Variants in FKTN observed in about 807,000 individuals in gnomAD.
The protein encoded by FKTN is ribitol-5-phosphate transferase FKTN.
A neutral mutation model predicts 58.6 loss-of-function variants in FKTN; 47 were observed. That is an observed-to-expected ratio of 0.80 (90% confidence interval 0.63 to 1.02). The LOEUF is 1.02. FKTN is among the 50% of genes least tolerant of loss of function. FKTN has a pLI of 0.00. For synonymous variants in FKTN, 178 were observed against 191.9 expected (o/e 0.93, Z 0.60); for missense variants, 516 against 537.3 (o/e 0.96, Z 0.39).
chr9:105,593,228 AAG>A (rs1445357404), intron 3 of FKTN, among the ~76,000 whole-genome samples: 2 of 152,264 alleles, frequency 1.3e-5, no homozygotes, highest in East Asian at 3.9e-4. Flanking sequence ...GAGCAGGAAG[AAG>A]AGAGAGAGGG....
At chr9:105,588,475 A>G (rs909109606) in intron 3 of FKTN, among the ~76,000 whole-genome samples, 1 of 152,266 alleles carries the variant, frequency 6.6e-6, no homozygotes, top group East Asian at 1.9e-4. Context: ...AGGCTATGAA[A>G]CAAATGATCA....
chr9:105,618,055 A>G lies in FKTN; in HGVS notation c.1007A>G (p.Gln336Arg). The G allele has an allele frequency of 6.2e-7, 1 of 1,611,596 alleles. No individual in the cohort carries two copies. Among genetic ancestry groups the G allele is most frequent in the Non-Finnish European group, 8.5e-7 (1 of 1,177,720 alleles). ...AAATCTGATATTATTTTAGCATTTC[A>G]GGATGCAGGACTTCCGCTCAAACAC... ...DYKSDIILAF[Q>R]DAGLPLKHKF... The change falls in exon 9 of 11, where the codon CAG becomes CGG. Residue 336 changes from glutamine (Q) to arginine (R), a missense_variant. Physicochemically the swap from Gln to Arg is conservative, Grantham distance 43. Coordinates refer to ENST00000357998, the MANE Select transcript of FKTN (RefSeq NM_001079802.2).
intron 4 of FKTN, chr9:105,598,220 TA>T (rs370719919): frequency 3.6e-4 from 143 of 399,178 alleles, no homozygotes; most frequent in South Asian, 5.3e-4. Context: ...TTGAGGGGAC[TA>T]AAAAAAATTG....
Position 105,638,413 on chromosome 9 carries a change from TC to T in FKTN, c.*3151del. On this transcript the variant is annotated 3_prime_UTR_variant, in exon 11 of 11. Coordinates refer to ENST00000357998, the MANE Select transcript of FKTN (RefSeq NM_001079802.2). ...ACCTTTATCTGGAAAATGCCTTCTC[TC>T]CAGACAATAAGACAGTTCACATCTG... The T allele has an allele frequency of 2.2e-5, 22 of 985,424 alleles. No homozygotes were observed. Among genetic ancestry groups the T allele is most frequent in the Non-Finnish European group, 2.7e-5 (22 of 829,936 alleles). The allele number at this position is 985,424 out of a possible 1,614,324, so 61.0% of individuals were successfully genotyped here.
At chr9:105,575,973 G>A (rs1248147475) in intron 3 of FKTN, among the ~76,000 whole-genome samples, 1 of 151,968 alleles carries the variant, frequency 6.6e-6, no homozygotes, top group Non-Finnish European at 1.5e-5. Flanking sequence ...ACCTATAGGA[G>A]AAGAGAAAAA....
intron 3 of FKTN, among the ~76,000 whole-genome samples, chr9:105,595,277 C>T (rs1826561637): frequency 6.6e-6 from 1 of 152,052 alleles, no homozygotes; most frequent in Admixed American, 6.5e-5. Flanking sequence ...TCTAAACATA[C>T]TAAAAATCAC....
chr9:105,594,419 T>C (rs1826369267), intron 3 of FKTN, among the ~76,000 whole-genome samples: 1 of 152,220 alleles, frequency 6.6e-6, no homozygotes, highest in Admixed American at 6.5e-5. Flanking sequence ...TAGTATGATT[T>C]CTGGGCAGAA....
chr9:105,572,962 C>T (rs1841010029), intron 1 of FKTN, among the ~76,000 whole-genome samples: 1 of 152,072 alleles, frequency 6.6e-6, no homozygotes, highest in African/African-American at 2.4e-5. Flanking sequence ...GGACTGGGTG[C>T]CGTGGCTCAT....
intron 10 of FKTN, among the ~76,000 whole-genome samples, chr9:105,632,843 C>G (rs1052418264): frequency 6.6e-5 from 10 of 152,208 alleles, no homozygotes; most frequent in African/African-American, 2.4e-4. Context: ...AACCTGTTCA[C>G]ATGCTGGATC....
chr9:105,616,157 C>T (rs1239844529), intron 8 of FKTN, among the ~76,000 whole-genome samples: 2 of 152,214 alleles, frequency 1.3e-5, no homozygotes, highest in Admixed American at 1.3e-4. Flanking sequence ...TGGTTGTCCA[C>T]AGGTAACTGA....
At chr9:105,563,767 A>G (rs983688346) in intron 1 of FKTN, among the ~76,000 whole-genome samples, 1 of 152,202 alleles carries the variant, frequency 6.6e-6, no homozygotes, top group Non-Finnish European at 1.5e-5. Context: ...ACCTCTGCAG[A>G]CTTAAATGTT....
At chr9:105,598,893 T>A (rs190059076) in intron 4 of FKTN, among the ~76,000 whole-genome samples, 22 of 151,948 alleles carry the variant, frequency 1.4e-4, no homozygotes, top group South Asian at 2.1e-4. Context: ...TTTCTTGTTT[T>A]TTTCCTAGTA....
At chr9:105,581,357 C>G (rs1207312539) in intron 3 of FKTN, among the ~76,000 whole-genome samples, 1 of 148,186 alleles carries the variant, frequency 6.7e-6, no homozygotes, top group Admixed American at 6.7e-5. Flanking sequence ...TGTGGATGTC[C>G]TTTCTGTTTG....
At chr9:105,616,068 A>T (rs1268684257) in intron 8 of FKTN, among the ~76,000 whole-genome samples, 1 of 152,176 alleles carries the variant, frequency 6.6e-6, no homozygotes, top group African/African-American at 2.4e-5. Flanking sequence ...ACAGAGGCTA[A>T]ATCTGAGCCC....
chr9:105,599,740 G>A (rs944054867), intron 4 of FKTN, among the ~76,000 whole-genome samples: 9 of 152,102 alleles, frequency 5.9e-5, no homozygotes, highest in African/African-American at 2.2e-4. Context: ...CTGACCTCAG[G>A]TGATCCACCT....
intron 1 of FKTN, among the ~76,000 whole-genome samples, chr9:105,567,063 T>C (rs1314564724): frequency 6.6e-6 from 1 of 152,124 alleles, no homozygotes. Flanking sequence ...ATTATCTCAA[T>C]AGATGCAGAA....
intron 10 of FKTN, chr9:105,623,263 C>T (rs370174424): frequency 2.0e-4 from 30 of 152,200 alleles, no homozygotes; most frequent in African/African-American, 6.0e-4. Flanking sequence ...TACTATAAGC[C>T]AATCAATATG....
intron 10 of FKTN, among the ~76,000 whole-genome samples, chr9:105,620,782 T>TAGC (rs1831761085): frequency 7.0e-6 from 1 of 142,654 alleles, no homozygotes; most frequent in Non-Finnish European, 1.6e-5. Context: ...ACTATAGTAG[T>TAGC]AGTAGTAGTA....
intron 3 of FKTN, among the ~76,000 whole-genome samples, chr9:105,581,364 T>G (rs954908250): frequency 8.8e-5 from 13 of 148,336 alleles, no homozygotes; most frequent in Non-Finnish European, 1.6e-4. Context: ...GTCCTTTCTG[T>G]TTGTTAGTTT....
Sources: allele counts gnomAD v4.1 joint callset (sites outside exome capture counted in the v4.1 genomes callset), GRCh38; gene constraint gnomAD v4.1.1; transcripts MANE v1.5; gene names NCBI Gene and HGNC (gene_info 2026-07-23, HGNC 2026-07-21).